Variants in REXO1 observed in about 807,000 individuals in gnomAD.
REXO1 encodes the protein RNA exonuclease 1 homolog.
Under a neutral mutation model 102.6 loss-of-function variants are expected in REXO1, and 42 were observed. The ratio of observed to expected loss-of-function variants is 0.41; its 90% confidence interval spans 0.32 to 0.53. The LOEUF (loss-of-function observed/expected upper bound fraction) is 0.53, where lower values mean the gene tolerates loss of function less well. REXO1 is among the 20% of genes least tolerant of loss of function. The pLI, the probability that REXO1 is intolerant of heterozygous loss-of-function variation, is 0.27. For synonymous variants in REXO1, 908 were observed against 779.1 expected, an observed-to-expected ratio of 1.17 and a Z score of -2.76; for missense variants, 1,819 against 1,732.5, an observed-to-expected ratio of 1.05 and a Z score of -0.89.
chr19:1,815,537 C>A lies in REXO1; in HGVS notation c.*529G>T. ...CACACTGCGCTGAGTGTGGCCCTGGCCCCCACTGGGGTCTGTCCCACCCCC... is the reference window on the plus strand; with the variant it reads ...CACACTGCGCTGAGTGTGGCCCTGGACCCCACTGGGGTCTGTCCCACCCCC... On this transcript the variant is annotated 3_prime_UTR_variant, in exon 16 of 16. Coordinates refer to ENST00000170168, the MANE Select transcript of REXO1 (RefSeq NM_020695.4). This position sits in a 1 kb window ranked among gnomAD's most constrained non-coding sequence, Gnocchi z 4.0. 1 of 413,290 alleles carries A rather than the reference C, an allele frequency of 2.4e-6. No individual in the cohort carries two copies. The highest frequency in any genetic ancestry group is 3.7e-6 in the Non-Finnish European group (1 of 268,318). The allele number at this position is 413,290 out of a possible 1,614,324, so 25.6% of individuals were successfully genotyped here. A position where few individuals can be genotyped will look rare whatever the true frequency, so the allele number is the denominator to read the frequency against.
In REXO1 at chr19:1,827,094, C is replaced by T. The variant is rs748493644; in HGVS notation, c.1695G>A (p.Gly565=). 9 of 1,541,206 alleles carry T rather than the reference C, an allele frequency of 5.8e-6. No homozygotes were observed. In the East Asian group the frequency reaches 1.2e-4, roughly 21 times the overall value. ...DSSLGFPEAQ[G]PPKRLKASPP... is the part of the protein sequence containing the mutation. ...GGGAGGCCTTGAGCCGCTTGGGCGG[C>T]CCCTGCGCCTCCGGGAAGCCCAGGC... The change falls in exon 2 of 16, where the codon GGG becomes GGA. Residue 565 remains glycine (G), a synonymous_variant. Coordinates refer to ENST00000170168, the MANE Select transcript of REXO1 (RefSeq NM_020695.4).
chr19:1,827,844 G>A lies in REXO1; in HGVS notation c.945C>T (p.Ile315=). ...TGGAGGGTGGCTGCCCGGTGGCCTTGATCTCAGGGTCGGCCCTGGCTTTGG... is the reference window on the plus strand; with the variant it reads ...TGGAGGGTGGCTGCCCGGTGGCCTTAATCTCAGGGTCGGCCCTGGCTTTGG... ...STPKARADPE[I]KATGQPPSKE... is the part of the protein sequence containing the mutation. The change falls in exon 2 of 16, where the codon ATC becomes ATT. Residue 315 remains isoleucine (I), a synonymous_variant. Coordinates refer to ENST00000170168, the MANE Select transcript of REXO1 (RefSeq NM_020695.4). 1 of 1,612,714 alleles carries A rather than the reference G, an allele frequency of 6.2e-7. No homozygotes were observed. Among genetic ancestry groups the A allele is most frequent in the Non-Finnish European group, 8.5e-7 (1 of 1,179,746 alleles).
chr19:1,846,760 C>T (rs1453584403), intron 1 of REXO1, among the ~76,000 whole-genome samples: 1 of 152,158 alleles, frequency 6.6e-6, no homozygotes, highest in Non-Finnish European at 1.5e-5. Context: ...CTTGGTGGCA[C>T]CCGCCGCCCA....
At chr19:1,847,216 A>G (rs939196171) in intron 1 of REXO1, among the ~76,000 whole-genome samples, 13 of 152,368 alleles carry the variant, frequency 8.5e-5, no homozygotes, top group Admixed American at 2.0e-4. Flanking sequence ...CACACTTATC[A>G]GGGAAATCAG....
In REXO1 at chr19:1,826,737, C is replaced by T. The variant is rs1599141927; in HGVS notation, c.1911+141G>A. The stretch of plus-strand genomic sequence containing the variant: ...TGCTCCTGAGCTCCTGAGATTTCAA[C>T]GGGCTCAGGGACCAGCACTGAGGAG... On this transcript the variant is annotated intron_variant, in intron 2 of 15. Coordinates refer to ENST00000170168, the MANE Select transcript of REXO1 (RefSeq NM_020695.4). This position sits in a 1 kb window ranked among gnomAD's most constrained non-coding sequence, Gnocchi z 4.3. 1.5e-5 allele frequency: 20 copies of T among 1,378,590 alleles called. No homozygotes were observed. The highest frequency in any genetic ancestry group is 2.6e-4 in the Middle Eastern group (1 of 3,866). The allele number at this position is 1,378,590 out of a possible 1,614,324, so 85.4% of individuals were successfully genotyped here. A position where few individuals can be genotyped will look rare whatever the true frequency, so the allele number is the denominator to read the frequency against.
intron 12 of REXO1, 134 bp from the exon 13 acceptor site, chr19:1,816,947 G>C (rs2069384326): frequency 1.3e-6 from 1 of 747,210 alleles, no homozygotes; most frequent in Admixed American, 2.4e-5. Flanking sequence ...TTCTAGGAGA[G>C]GCCGAGTGGG....
Position 1,831,624 on chromosome 19 carries a change from C to T in REXO1, c.158-2993G>A, listed in dbSNP as rs537068522. ...TTGGGAGGCTGAGGCGGGCGGATCA[C>T]CTGAGGTCAGGAGTTCGAGACCAGC... On this transcript the variant is annotated intron_variant, in intron 1 of 15. Transcript: ENST00000170168. 1.5e-4 allele frequency among the ~76,000 whole-genome samples: 23 copies of T among 151,906 alleles called. No individual in the cohort carries two copies. In the South Asian group the frequency reaches 4.4e-3, roughly 29 times the overall value.
intron 1 of REXO1, among the ~76,000 whole-genome samples, chr19:1,844,675 G>A (rs2011455023): frequency 6.6e-6 from 1 of 152,224 alleles, no homozygotes; most frequent in Non-Finnish European, 1.5e-5. Context: ...GCCCCACCCA[G>A]AACCACTGGC....
At chr19:1,831,884 G>GA (rs2069915367) in intron 1 of REXO1, among the ~76,000 whole-genome samples, 2 of 138,296 alleles carry the variant, frequency 1.4e-5, no homozygotes, top group South Asian at 2.3e-4. Context: ...AAAAGAAAAA[G>GA]AAAAAAAGAA....
At position 1,817,724 on chromosome 19, in the gene REXO1, C is replaced by T; in HGVS notation, c.3073G>A (p.Gly1025Ser). 4 of 1,612,322 alleles carry T rather than the reference C, an allele frequency of 2.5e-6. No homozygotes were observed. Among genetic ancestry groups the T allele is most frequent in the Non-Finnish European group, 1.7e-6 (2 of 1,179,646 alleles). Residue 1025 changes from glycine (G) to serine (S), a missense_variant, in exon 11 of 16, where the codon GGC becomes AGC. Physicochemically the swap from Gly to Ser is moderately conservative, Grantham distance 56. Transcript: ENST00000170168. The part of the protein sequence containing the change: ...MCCSAAAGSV[G>S]CQVAKQHVQD... ...GGGCTCACCTTTGCGACTTGGCAGC[C>T]GACAGAGCCGGCGGCAGCCGAGCAG... is the stretch of plus-strand genomic sequence containing the variant.
Position 1,817,632 on chromosome 19 carries a change from G to A in REXO1, c.3090+75C>T, listed in dbSNP as rs1600512305. On this transcript the variant is annotated intron_variant, in intron 11 of 15. Transcript: ENST00000170168. ...TGAGCCCAGGACTGTGCTGTGTCCCGAGACCCCACACCAACGATGGGGAGG... is the reference window on the plus strand; with the variant it reads ...TGAGCCCAGGACTGTGCTGTGTCCCAAGACCCCACACCAACGATGGGGAGG... The A allele has an allele frequency of 2.1e-5, 31 of 1,509,500 alleles. No individual in the cohort carries two copies. In the South Asian group the frequency reaches 2.4e-4, roughly 12 times the overall value. 93.5% of individuals were successfully genotyped at this position (1,509,500 alleles called of 1,614,324 possible).
intron 14 of REXO1, 22 bp downstream of exon 14, chr19:1,816,409 G>T: frequency 6.2e-7 from 1 of 1,607,684 alleles, no homozygotes; most frequent in Non-Finnish European, 8.5e-7. Flanking sequence ...AGAACCGCGC[G>T]GGACCCGGGC....
intron 1 of REXO1, among the ~76,000 whole-genome samples, chr19:1,829,399 C>T (rs1408510664): frequency 2.0e-5 from 3 of 152,114 alleles, no homozygotes; most frequent in Non-Finnish European, 2.9e-5. Flanking sequence ...CCATCACACC[C>T]AGCTAATTTT....
chr19:1,844,774 G>A (rs1043116726), intron 1 of REXO1, among the ~76,000 whole-genome samples: 4 of 152,242 alleles, frequency 2.6e-5, no homozygotes, highest in East Asian at 3.8e-4. Context: ...TCACTTTGCA[G>A]TATAGGATGG....
chr19:1,820,936 T>C (rs1332244387), intron 5 of REXO1, among the ~76,000 whole-genome samples: 2 of 150,972 alleles, frequency 1.3e-5, no homozygotes, highest in African/African-American at 4.9e-5. Flanking sequence ...GAGGTCGAGG[T>C]TGCAGTGAGC....
intron 1 of REXO1, among the ~76,000 whole-genome samples, chr19:1,831,845 CAAAAAAAAAAAA>C (rs745676775): frequency 1.9e-5 from 1 of 51,302 alleles, no homozygotes; most frequent in Middle Eastern, 0.01. Flanking sequence ...AACTCCATCT[CAAAAAAAAAAAA>C]AAAAAAAAAA....
In REXO1 at chr19:1,827,177, C is replaced by T. The variant is rs1439140067; in HGVS notation, c.1612G>A (p.Val538Met). Residue 538 changes from valine to methionine, a missense_variant, in exon 2 of 16, where the codon GTG (valine) becomes ATG (methionine). Transcript: ENST00000170168. Reference protein sequence around the residue: ...DEAAGPGVPSVWPSALPSLSS... With the variant: ...DEAAGPGVPSMWPSALPSLSS... ...AGGCTGGGGAGGGCAGAGGGCCACA[C>T]GCTCGGCACCCCTGGCCCTGCGGCC... The T allele has an allele frequency of 1.9e-5, 29 of 1,540,950 alleles. No homozygotes were observed. Among genetic ancestry groups the T allele is most frequent in the African/African-American group, 6.8e-5 (5 of 73,028 alleles).
At position 1,826,414 on chromosome 19, in the gene REXO1, G is replaced by T. The variant is rs190590421; in HGVS notation, c.1911+464C>A. Among the ~76,000 whole-genome samples the T allele has an allele frequency of 1.3e-5, 2 of 151,584 alleles. No individual in the cohort carries two copies. Among genetic ancestry groups the T allele is most frequent in the East Asian group, 3.9e-4 (2 of 5,120 alleles). ...GGAGGGAGGGGAGGAGAAAGGAGCC[G>T]GAGGGGATGAGGAGGAGGCAAGGAG... On this transcript the variant is annotated intron_variant, in intron 2 of 15. Transcript: ENST00000170168. The surrounding 1 kb of genome is among the most constrained non-coding windows in gnomAD (Gnocchi z 4.3).
At chr19:1,817,365 G>A (rs2069399830) in intron 11 of REXO1, 36 bp from the exon 12 acceptor site, 1 of 1,607,760 alleles carries the variant, frequency 6.2e-7, no homozygotes, top group African/African-American at 1.3e-5. Context: ...GCAGCTTCGG[G>A]GTGCAGTGGG....
Sources: gnomAD v4.1 joint callset for allele counts (sites outside exome capture counted in the v4.1 genomes callset) on GRCh38, gnomAD v4.1.1 for gene constraint, Gnocchi (gnomAD v3.1) non-coding constraint, MANE v1.5 for transcripts, NCBI Gene and HGNC (gene_info 2026-07-23, HGNC 2026-07-21) for gene names.